Variants in AKR1B1 observed in about 807,000 individuals in gnomAD.
AKR1B1 encodes aldo-keto reductase family 1 member B1.
A neutral mutation model predicts 40.4 loss-of-function variants in AKR1B1; 22 were observed. The observed-to-expected ratio is 0.54, with a 90% CI of 0.39 to 0.78. AKR1B1 has a LOEUF of 0.78. Ranked by LOEUF, AKR1B1 falls within the 30% of genes least tolerant of loss-of-function variation. AKR1B1 has a pLI of 0.00. For missense variants in AKR1B1, 357 were observed against 396.7 expected (o/e 0.90, Z 0.85); for synonymous variants, 157 against 149.9 (o/e 1.05, Z -0.35).
chr7:134,443,786 G>C (rs773273684), intron 9 of AKR1B1, among the ~76,000 whole-genome samples: 7 of 152,060 alleles, frequency 4.6e-5, no homozygotes, highest in Non-Finnish European at 8.8e-5. Context: ...GTTCTCCATG[G>C]TCTGCCTTTT....
Position 134,448,990 on chromosome 7 carries a change from T to C in AKR1B1, c.552+7A>G, listed in dbSNP as rs765891820. On this transcript the variant is annotated splice_region_variant and intron_variant, in intron 5 of 9. Coordinates refer to ENST00000285930, the MANE Select transcript of AKR1B1 (RefSeq NM_001628.4). ...TTGCAATGCCAGTGTCGTTGGGGGA[T>C]GTTTACCTGGTTAACTGCAGGCTTA... The C allele has an allele frequency of 1.4e-5, 23 of 1,614,030 alleles. No individual in the cohort carries two copies. In the Admixed American group the frequency reaches 3.7e-4, roughly 26 times the overall value.
chr7:134,445,410 T>TGA (rs1210746069), intron 8 of AKR1B1, 90 bp from the exon 9 acceptor site: 1 of 1,076,176 alleles, frequency 9.3e-7, no homozygotes, highest in East Asian at 2.5e-5. Context: ...TCCATGGCTT[T>TGA]GAGCAGAGAG....
At chr7:134,448,763 T>C (rs565490573) in intron 5 of AKR1B1, among the ~76,000 whole-genome samples, 1 of 152,322 alleles carries the variant, frequency 6.6e-6, no homozygotes, top group South Asian at 2.1e-4. Flanking sequence ...GAGGATCTCA[T>C]GGCTGCCTCT....
At chr7:134,449,586 CAAA>C (rs71531826) in intron 4 of AKR1B1, 131 bp downstream of exon 4, 466 of 692,172 alleles carry the variant, frequency 6.7e-4, no homozygotes, top group Admixed American at 9.1e-4. Flanking sequence ...GACCCCAACT[CAAA>C]AAAAAAAAAA....
intron 8 of AKR1B1, among the ~76,000 whole-genome samples, chr7:134,446,753 T>C (rs1806111133): frequency 6.6e-6 from 1 of 152,208 alleles, no homozygotes; most frequent in African/African-American, 2.4e-5. Context: ...AGCTGGTGAA[T>C]GGACTAAATG....
intron 8 of AKR1B1, among the ~76,000 whole-genome samples, chr7:134,446,144 AT>A (rs1301927973): frequency 6.6e-6 from 1 of 152,210 alleles, no homozygotes; most frequent in East Asian, 1.9e-4. Flanking sequence ...TTAGTCATTT[AT>A]TTTTTCTTTC....
At chr7:134,453,349 T>C (rs1222113940) in intron 1 of AKR1B1, among the ~76,000 whole-genome samples, 2 of 152,158 alleles carry the variant, frequency 1.3e-5, no homozygotes, top group African/African-American at 4.8e-5. Context: ...GCACTTGAAT[T>C]GGAACCCCTG....
intron 2 of AKR1B1, chr7:134,451,205 A>G (rs1404417138): frequency 3.7e-6 from 2 of 544,554 alleles, no homozygotes; most frequent in African/African-American, 1.9e-5. Context: ...TTGTGGAGCC[A>G]GCCCCATCCT....
Position 134,459,051 on chromosome 7 carries a change from A to C in AKR1B1, c.12T>G (p.Arg4=). 2 of 1,605,892 alleles carry C rather than the reference A, an allele frequency of 1.2e-6. No homozygotes were observed. The highest frequency in any genetic ancestry group is 1.7e-6 in the Non-Finnish European group (2 of 1,176,902). ...TCTTGGCGCCGTTGTTGAGCAGGAG[A>C]CGGCTTGCCATGGCTGCTGCGCTCC... MAS[R]LLLNNGAKMP... The change falls in exon 1 of 10, where the codon CGT becomes CGG. Residue 4 remains arginine (R), a synonymous_variant. Transcript: ENST00000285930.
At chr7:134,457,650 G>A (rs1806511965) in intron 1 of AKR1B1, among the ~76,000 whole-genome samples, 1 of 152,126 alleles carries the variant, frequency 6.6e-6, no homozygotes, top group Non-Finnish European at 1.5e-5. Context: ...TCTTTCTGTT[G>A]TTTTCTTCCC....
chr7:134,446,656 G>A (rs542051747), intron 8 of AKR1B1, among the ~76,000 whole-genome samples: 127 of 152,124 alleles, frequency 8.3e-4, no homozygotes, highest in African/African-American at 2.8e-3. Flanking sequence ...CAAGTAGCCT[G>A]AGCTGCTCCA....
At chr7:134,451,477 G>A (rs1469752634) in intron 2 of AKR1B1, 109 bp downstream of exon 2, 14 of 1,347,630 alleles carry the variant, frequency 1.0e-5, no homozygotes, top group African/African-American at 5.7e-5. Flanking sequence ...GGGAAGAATC[G>A]CCCATCAGTG....
intron 1 of AKR1B1, among the ~76,000 whole-genome samples, chr7:134,455,131 C>G (rs1193184473): frequency 6.6e-6 from 1 of 152,138 alleles, no homozygotes; most frequent in Admixed American, 6.5e-5. Flanking sequence ...GCAAGTCTTT[C>G]CTGGCACATT....
At chr7:134,444,751 C>G (rs1806046785) in intron 9 of AKR1B1, 2 of 201,308 alleles carry the variant, frequency 9.9e-6, no homozygotes, top group South Asian at 2.0e-4. Flanking sequence ...GCTGGAGGAA[C>G]TGAGGTGCCT....
Position 134,450,870 on chromosome 7 carries a change from C to A in AKR1B1, c.267G>T (p.Val89=). ...TGAGTGTCTTCTGGCAGGCTCCTTT[C>A]ACCAGGCCCTTCTCATGGTACGTGC... ...LWCTYHEKGL[V]KGACQKTLSD... is the part of the protein sequence containing the mutation. Residue 89 remains valine (V), a synonymous_variant, in exon 3 of 10, where the codon GTG becomes GTT. Coordinates refer to ENST00000285930, the MANE Select transcript of AKR1B1 (RefSeq NM_001628.4). 6.2e-7 allele frequency: 1 copy of A among 1,614,186 alleles called. No individual in the cohort carries two copies. The highest frequency in any genetic ancestry group is 2.2e-5 in the East Asian group (1 of 44,876).
chr7:134,448,507 A>C lies in AKR1B1; in HGVS notation c.553-14T>G. On this transcript the variant is annotated splice_polypyrimidine_tract_variant and intron_variant, in intron 5 of 9. Coordinates refer to ENST00000285930, the MANE Select transcript of AKR1B1 (RefSeq NM_001628.4). The stretch of plus-strand genomic sequence containing the variant: ...GTGGCACTCAATCTGCAAATGCAAA[A>C]ACAAGAGCTGATGGGAGCACTGTGG... 1 of 1,600,388 alleles carries C rather than the reference A, an allele frequency of 6.2e-7. No individual in the cohort carries two copies. The highest frequency in any genetic ancestry group is 1.1e-5 in the South Asian group (1 of 90,694).
rs772045887 is a variant in AKR1B1, at chr7:134,448,974, C to T, written c.552+23G>A. The T allele has an allele frequency of 4.3e-6, 7 of 1,613,826 alleles. No homozygotes were observed. In the East Asian group the frequency reaches 1.6e-4, roughly 36 times the overall value. ...CAGTAAAACAGCAACGTTGCAATGC[C>T]AGTGTCGTTGGGGGATGTTTACCTG... On this transcript the variant is annotated intron_variant, in intron 5 of 9. Coordinates refer to ENST00000285930, the MANE Select transcript of AKR1B1 (RefSeq NM_001628.4).
chr7:134,457,145 A>T (rs1312778316), intron 1 of AKR1B1, among the ~76,000 whole-genome samples: 1 of 152,026 alleles, frequency 6.6e-6, no homozygotes, highest in Admixed American at 6.6e-5. Flanking sequence ...CAAAAAAAAA[A>T]AAATAAACTT....
In AKR1B1 at chr7:134,447,282, C is replaced by A. The variant is rs1371491142; in HGVS notation, c.825+16G>T. ...CTCCATGGAGGAGGGCCAGGCCTGA[C>A]CAGCCAAGATCTTACCTTAAAGTTC... On this transcript the variant is annotated intron_variant, in intron 8 of 9. Coordinates refer to ENST00000285930, the MANE Select transcript of AKR1B1 (RefSeq NM_001628.4). 6.2e-7 allele frequency: 1 copy of A among 1,612,438 alleles called. No individual in the cohort carries two copies. The highest frequency in any genetic ancestry group is 8.5e-7 in the Non-Finnish European group (1 of 1,178,764).
Sources: allele counts gnomAD v4.1 joint callset (sites outside exome capture counted in the v4.1 genomes callset), GRCh38; gene constraint gnomAD v4.1.1; transcripts MANE v1.5; gene names NCBI Gene and HGNC (gene_info 2026-07-23, HGNC 2026-07-21).